Variants in TSPAN33 observed in about 807,000 individuals in gnomAD.
The protein encoded by TSPAN33 is tetraspanin-33.
In TSPAN33, 27 loss-of-function variants were observed where a neutral mutation model predicts 34.8. The observed-to-expected ratio is 0.78, with a 90% confidence interval of 0.57 to 1.07. The LOEUF (loss-of-function observed/expected upper bound fraction) is 1.07. TSPAN33 is among the 50% of genes least tolerant of loss of function. The pLI is 0.00. For missense variants in TSPAN33, 272 were observed against 324.9 expected (o/e 0.84, Z 1.25); for synonymous variants, 119 against 124.2 (o/e 0.96, Z 0.28).
intron 1 of TSPAN33, among the ~76,000 whole-genome samples, chr7:129,149,331 G>T (rs777461352): frequency 7.9e-5 from 12 of 152,164 alleles, no homozygotes; most frequent in Non-Finnish European, 1.5e-4. Flanking sequence ...GCCGGGGCAG[G>T]TGGATCACCT....
chr7:129,161,955 G>T (rs1283784976), intron 2 of TSPAN33, among the ~76,000 whole-genome samples: 1 of 152,204 alleles, frequency 6.6e-6, no homozygotes, highest in African/African-American at 2.4e-5. Flanking sequence ...CTACATTTGA[G>T]GCTTAGGAAG....
chr7:129,151,243 C>T (rs763875392), intron 1 of TSPAN33, among the ~76,000 whole-genome samples: 1 of 152,182 alleles, frequency 6.6e-6, no homozygotes, highest in East Asian at 1.9e-4. Flanking sequence ...CGTCCCACCC[C>T]ACCCTGCTGA....
chr7:129,144,833 T>C lies in TSPAN33; in HGVS notation c.-148T>C, dbSNP rs1252214580. On this transcript the variant is annotated 5_prime_UTR_variant, in exon 1 of 8. Coordinates refer to ENST00000486685, the MANE Select transcript of TSPAN33 (RefSeq NM_178562.5). ...CCCGCGCCGCTCCCGGCCCCCCGGCTCGGGCGCCTCCCGCCGCAGCGCAGG... is the reference window on the plus strand; with the variant it reads ...CCCGCGCCGCTCCCGGCCCCCCGGCCCGGGCGCCTCCCGCCGCAGCGCAGG... 1 of 147,284 alleles carries C rather than the reference T, an allele frequency of 6.8e-6. No individual in the cohort carries two copies. Among genetic ancestry groups the C allele is most frequent in the South Asian group, 2.1e-4 (1 of 4,766 alleles). The allele number at this position is 147,284 out of a possible 1,614,324, so 9.1% of individuals were successfully genotyped here.
chr7:129,161,793 G>T, intron 2 of TSPAN33, 57 bp downstream of exon 2: 1 of 1,604,480 alleles, frequency 6.2e-7, no homozygotes, highest in Non-Finnish European at 8.5e-7. Flanking sequence ...TTTCCCCTCT[G>T]CCTCCTTCAG....
intron 1 of TSPAN33, among the ~76,000 whole-genome samples, chr7:129,156,902 T>C (rs142628726): frequency 7.3e-4 from 111 of 152,314 alleles, no homozygotes; most frequent in African/African-American, 2.6e-3. Flanking sequence ...GTGCAAATTA[T>C]TTTATATAAT....
Position 129,167,376 on chromosome 7 carries a change from T to G in TSPAN33, c.589-23T>G, listed in dbSNP as rs763980541. The G allele has an allele frequency of 1.9e-6, 3 of 1,599,856 alleles. No individual in the cohort carries two copies. In the African/African-American group the frequency reaches 4.0e-5, roughly 21 times the overall value. On this transcript the variant is annotated intron_variant, in intron 6 of 7. Coordinates refer to ENST00000486685, the MANE Select transcript of TSPAN33 (RefSeq NM_178562.5). The surrounding 1 kb of genome is among the most constrained non-coding windows in gnomAD (Gnocchi z 4.6). ...AAGTTATTGGAATTACAGTCCCAAT[T>G]GGCTTTTCAACTCTTTCCCCAGGCA...
intron 1 of TSPAN33, among the ~76,000 whole-genome samples, chr7:129,160,052 C>T (rs551169898): frequency 5.3e-4 from 80 of 151,848 alleles, no homozygotes; most frequent in African/African-American, 1.8e-3. Flanking sequence ...CCTCACCCCG[C>T]AAAAAAGAGG....
At chr7:129,157,267 A>T (rs1428079892) in intron 1 of TSPAN33, among the ~76,000 whole-genome samples, 6 of 151,908 alleles carry the variant, frequency 3.9e-5, no homozygotes, top group Admixed American at 3.9e-4. Context: ...AGTGGCCAAA[A>T]CCCATTTCTA....
Position 129,168,623 on chromosome 7 carries a change from A to G in TSPAN33, c.*749A>G, listed in dbSNP as rs751928737. 3 of 152,784 alleles carry G rather than the reference A, an allele frequency of 2.0e-5. No individual in the cohort carries two copies. Among genetic ancestry groups the G allele is most frequent in the Non-Finnish European group, 4.4e-5 (3 of 68,178 alleles). 9.5% of individuals were successfully genotyped at this position (152,784 alleles called of 1,614,324 possible). A position where few individuals can be genotyped will look rare whatever the true frequency, so the allele number is the denominator to read the frequency against. ...TACTCTGCAGTCAGAAGTGGGACTG[A>G]GCCATACATGCCCTTGAATTCCTCC... On this transcript the variant is annotated 3_prime_UTR_variant, in exon 8 of 8. Transcript: ENST00000486685.
chr7:129,164,563 GA>G lies in TSPAN33; in HGVS notation c.458del (p.Lys153SerfsTer46). The G allele has an allele frequency of 6.2e-7, 1 of 1,613,722 alleles. No homozygotes were observed. Among genetic ancestry groups the G allele is most frequent in the South Asian group, 1.1e-5 (1 of 91,062 alleles). On this transcript the variant is annotated frameshift_variant, in exon 5 of 8. Transcript: ENST00000486685. LOFTEE classifies it high-confidence loss of function. ...DLQNLIDFGQ[K>X]KFSCCGGISY... ...TGCAGAACCTCATTGATTTTGGCCA[GA>G]AAAAGGTATGGGTCAGCCAGTGGTC...
At chr7:129,153,258 A>T (rs1441216079) in intron 1 of TSPAN33, among the ~76,000 whole-genome samples, 2 of 151,986 alleles carry the variant, frequency 1.3e-5, no homozygotes, top group African/African-American at 4.8e-5. Context: ...ATGGGGAGTG[A>T]TGGTTTAATG....
At chr7:129,150,596 G>C (rs1810580209) in intron 1 of TSPAN33, among the ~76,000 whole-genome samples, 1 of 152,206 alleles carries the variant, frequency 6.6e-6, no homozygotes, top group African/African-American at 2.4e-5. Flanking sequence ...CATGTGAACT[G>C]AGGAAAGTTG....
At chr7:129,166,098 C>T (rs1793136088) in intron 5 of TSPAN33, among the ~76,000 whole-genome samples, 1 of 152,004 alleles carries the variant, frequency 6.6e-6, no homozygotes, top group South Asian at 2.1e-4. Context: ...CCAAACCACG[C>T]CCAGCTAATT....
rs1346289444 is a variant in TSPAN33 at position 129,161,602 on chromosome 7, C to T, written c.103-77C>T. The T allele has an allele frequency of 1.9e-5, 27 of 1,418,574 alleles. No individual in the cohort carries two copies. The East Asian group carries it at 5.7e-4, about 30-fold the overall frequency. 87.9% of individuals were successfully genotyped at this position (1,418,574 alleles called of 1,614,324 possible). ...CCAGGAAAGCAGTCCTTCTCCTGCTCTCCTAGGTTTCTCATGGCATTCAGG... is the reference window on the plus strand; with the variant it reads ...CCAGGAAAGCAGTCCTTCTCCTGCTTTCCTAGGTTTCTCATGGCATTCAGG... On this transcript the variant is annotated intron_variant, in intron 1 of 7. Transcript: ENST00000486685.
chr7:129,145,240 C>T (rs1158565735), intron 1 of TSPAN33, among the ~76,000 whole-genome samples, 158 bp downstream of exon 1: 1 of 151,806 alleles, frequency 6.6e-6, no homozygotes, highest in African/African-American at 2.4e-5. Flanking sequence ...CCGGGGACGC[C>T]GCGTCTGCAG....
Position 129,168,988 on chromosome 7 carries a change from C to A in TSPAN33, c.*1114C>A, listed in dbSNP as rs1451191560. Among the ~76,000 whole-genome samples the A allele has an allele frequency of 6.6e-6, 1 of 152,232 alleles. No homozygotes were observed. The highest frequency in any genetic ancestry group is 1.5e-5 in the Non-Finnish European group (1 of 68,038). ...CTCCTTCAACCGATGCATTGCCACC[C>A]TCCCACAGCCTCGCCCTCTGCTCTA... On this transcript the variant is annotated 3_prime_UTR_variant, in exon 8 of 8. Coordinates refer to ENST00000486685, the MANE Select transcript of TSPAN33 (RefSeq NM_178562.5).
At chr7:129,157,923 T>C (rs1389859732) in intron 1 of TSPAN33, among the ~76,000 whole-genome samples, 2 of 152,212 alleles carry the variant, frequency 1.3e-5, no homozygotes, top group African/African-American at 4.8e-5. Flanking sequence ...AATTTTCTTA[T>C]ATTTCTGGTG....
rs1353285925 is a variant in TSPAN33, at chr7:129,151,749, A to G, written c.102+6667A>G. ...TGCTTATCTGCCTGCAAGTGCTAAC[A>G]AAAGGCAAGCAGAAGAGGACAAGTA... On this transcript the variant is annotated intron_variant, in intron 1 of 7. Coordinates refer to ENST00000486685, the MANE Select transcript of TSPAN33 (RefSeq NM_178562.5). Among the ~76,000 whole-genome samples, 3 of 152,182 alleles carry G rather than the reference A, an allele frequency of 2.0e-5. No individual in the cohort carries two copies. The East Asian group carries it at 5.8e-4, about 29-fold the overall frequency.
At chr7:129,159,646 C>T (rs1793020000) in intron 1 of TSPAN33, among the ~76,000 whole-genome samples, 1 of 152,182 alleles carries the variant, frequency 6.6e-6, no homozygotes, top group Non-Finnish European at 1.5e-5. Flanking sequence ...GACAGAGATG[C>T]TCACTGACTC....
Sources: gnomAD v4.1 joint callset for allele counts (sites outside exome capture counted in the v4.1 genomes callset) on GRCh38, gnomAD v4.1.1 for gene constraint, Gnocchi (gnomAD v3.1) non-coding constraint, MANE v1.5 for transcripts, NCBI Gene and HGNC (gene_info 2026-07-23, HGNC 2026-07-21) for gene names.